Variants in NPR3 observed in about 807,000 individuals in gnomAD.
NPR3 encodes the protein natriuretic peptide receptor 3.
Under a neutral mutation model 54.5 loss-of-function variants are expected in NPR3, and 34 were observed. That is an observed-to-expected ratio of 0.62 (90% CI 0.47 to 0.83). The LOEUF (loss-of-function observed/expected upper bound fraction) is 0.83, where lower values mean the gene tolerates loss of function less well. Among genes scored for constraint, NPR3 ranks in the 40% least tolerant of loss-of-function variants. The pLI, the probability that NPR3 is intolerant of heterozygous loss-of-function variation, is 0.00. For missense variants in NPR3, 674 were observed against 720.8 expected, an observed-to-expected ratio of 0.94 and a Z score of 0.74; for synonymous variants, 289 against 297.1, an observed-to-expected ratio of 0.97 and a Z score of 0.28.
chr5:32,736,483 C>T (rs1011373357), intron 2 of NPR3, among the ~76,000 whole-genome samples: 2 of 152,154 alleles, frequency 1.3e-5, no homozygotes, highest in Non-Finnish European at 2.9e-5. Flanking sequence ...AGCTGAGAAA[C>T]TCACACCCTC....
chr5:32,694,004 G>A (rs1208045909), intron 1 of NPR3, among the ~76,000 whole-genome samples: 1 of 152,128 alleles, frequency 6.6e-6, no homozygotes. Flanking sequence ...CGTTGCCTCT[G>A]ATGGCTTCCT....
chr5:32,767,119 A>T (rs1339439115), intron 3 of NPR3, among the ~76,000 whole-genome samples: 1 of 152,256 alleles, frequency 6.6e-6, no homozygotes, highest in African/African-American at 2.4e-5. Flanking sequence ...CTCTCACAGC[A>T]TACATGCTCA....
rs1262835659 is a variant in NPR3 at position 32,788,893 on chromosome 5, C to T, written c.*2548C>T. 6.6e-6 allele frequency: 1 copy of T among 152,272 alleles called. No individual in the cohort carries two copies. 9.4% of individuals were successfully genotyped at this position (152,272 alleles called of 1,614,324 possible). On this transcript the variant is annotated 3_prime_UTR_variant, in exon 8 of 8. Coordinates refer to ENST00000265074, the MANE Select transcript of NPR3 (RefSeq NM_001204375.2). ...AATCTGCATATGGGTTACAAAAACT[C>T]TGTTAGGTTTTGAAAATTCCATTAA...
chr5:32,744,206 T>C (rs972096390), intron 3 of NPR3, among the ~76,000 whole-genome samples: 5 of 152,086 alleles, frequency 3.3e-5, no homozygotes, highest in African/African-American at 1.2e-4. Flanking sequence ...TTGGCCAAGA[T>C]GGTCTCGATC....
In NPR3 at chr5:32,739,010, G is replaced by C; in HGVS notation, c.1039G>C (p.Gly347Arg). The change falls in exon 3 of 8, where the codon GGG becomes CGG. Residue 347 changes from glycine (G) to arginine (R), a missense_variant. Transcript: ENST00000265074. The stretch of plus-strand genomic sequence containing the variant: ...GGTGAAAAGTTCAGTTGAGAAACAA[G>C]GGCTCAATATGGAGGATTACGTAAG... Reference protein sequence around the residue: ...MEVKSSVEKQGLNMEDYVNMF... With the variant: ...MEVKSSVEKQRLNMEDYVNMF... 6.2e-7 allele frequency: 1 copy of C among 1,613,882 alleles called. No homozygotes were observed. Among genetic ancestry groups the C allele is most frequent in the Non-Finnish European group, 8.5e-7 (1 of 1,179,858 alleles).
At chr5:32,705,809 G>A (rs1313354393), upstream of NPR3, among the ~76,000 whole-genome samples, 3 of 152,134 alleles carry the variant, frequency 2.0e-5, no homozygotes, top group African/African-American at 7.2e-5. Context: ...CAACGCCATA[G>A]ATATCTCAAT....
intron 3 of NPR3, among the ~76,000 whole-genome samples, chr5:32,742,288 T>A (rs567629327): frequency 4.6e-5 from 7 of 152,248 alleles, no homozygotes; most frequent in African/African-American, 1.7e-4. Context: ...CAGTTTTGTT[T>A]CTTTTAAATT....
At chr5:32,707,996 TAAA>T (rs58410343), upstream of NPR3, among the ~76,000 whole-genome samples, 47,423 of 131,280 alleles carry the variant, frequency 0.36, 8,193 homozygotes, top group Middle Eastern at 0.48. Context: ...GTAGTAGCTT[TAAA>T]AAAAAAAAAA....
intron 5 of NPR3, among the ~76,000 whole-genome samples, chr5:32,782,145 G>A (rs1005393314): frequency 6.6e-6 from 1 of 152,158 alleles, no homozygotes; most frequent in Admixed American, 6.5e-5. Context: ...AAGAGAAACA[G>A]AATTCTGCCT....
chr5:32,718,815 C>T (rs1346422193), intron 1 of NPR3, among the ~76,000 whole-genome samples: 1 of 152,026 alleles, frequency 6.6e-6, no homozygotes, highest in Non-Finnish European at 1.5e-5. Context: ...TTGATTTCCT[C>T]ATTTCCTAAT....
At chr5:32,751,537 T>C (rs1740574823) in intron 3 of NPR3, among the ~76,000 whole-genome samples, 1 of 152,182 alleles carries the variant, frequency 6.6e-6, no homozygotes. Context: ...AGGGGGTGAT[T>C]TTATAACCTT....
chr5:32,771,699 A>G (rs1243017229), intron 3 of NPR3, among the ~76,000 whole-genome samples: 1 of 152,132 alleles, frequency 6.6e-6, no homozygotes, highest in Non-Finnish European at 1.5e-5. Flanking sequence ...GTGCTTCACA[A>G]TTTAAACGAG....
chr5:32,700,507 A>G (rs1378434720), intron 1 of NPR3, among the ~76,000 whole-genome samples: 1 of 151,776 alleles, frequency 6.6e-6, no homozygotes, highest in African/African-American at 2.4e-5. Context: ...TCAACTCATC[A>G]TTTACATTAG....
At chr5:32,698,306 C>T (rs1740582051) in intron 1 of NPR3, among the ~76,000 whole-genome samples, 1 of 151,850 alleles carries the variant, frequency 6.6e-6, no homozygotes, top group African/African-American at 2.4e-5. Flanking sequence ...TTCAAATTCC[C>T]CTTATTTTTT....
At chr5:32,720,222 A>C (rs1738780447) in intron 1 of NPR3, among the ~76,000 whole-genome samples, 1 of 152,192 alleles carries the variant, frequency 6.6e-6, no homozygotes, top group South Asian at 2.1e-4. Context: ...GGAAGAAAAG[A>C]CTGAGCCAGC....
chr5:32,710,798 C>A (rs1323772041), upstream of NPR3: 2 of 1,527,444 alleles, frequency 1.3e-6, no homozygotes, highest in Non-Finnish European at 1.8e-6. Flanking sequence ...GAGCAAGCGG[C>A]ACCTAAGGAT....
intron 7 of NPR3, among the ~76,000 whole-genome samples, chr5:32,785,426 CA>C (rs1742567900): frequency 6.6e-6 from 1 of 152,158 alleles, no homozygotes; most frequent in African/African-American, 2.4e-5. Context: ...GCTGGGATTA[CA>C]GGTGTGAGCC....
rs1225587769 is a variant in NPR3 at position 32,782,885 on chromosome 5, C to CTATA, written c.1291-5_1291-2dup. ...TGGTTTGTCTATTTGTTTTTTGCCT[C>CTATA]TATATAGGTTATTGGTGATTATTTT... On this transcript the variant is annotated splice_polypyrimidine_tract_variant and splice_region_variant and intron_variant, in intron 5 of 7. Transcript: ENST00000265074. The CTATA allele has an allele frequency of 6.2e-7, 1 of 1,604,514 alleles. No homozygotes were observed. The highest frequency in any genetic ancestry group is 1.7e-5 in the Admixed American group (1 of 58,354).
At chr5:32,773,514 C>T (rs574150694) in intron 3 of NPR3, among the ~76,000 whole-genome samples, 8 of 152,202 alleles carry the variant, frequency 5.3e-5, no homozygotes, top group South Asian at 2.1e-4. Flanking sequence ...TGCTCCCAGC[C>T]GAGCAAAACA....
Sources: gnomAD v4.1 joint callset for allele counts (sites outside exome capture counted in the v4.1 genomes callset) on GRCh38, gnomAD v4.1.1 for gene constraint, MANE v1.5 for transcripts, NCBI Gene and HGNC (gene_info 2026-07-23, HGNC 2026-07-21) for gene names.